The following SLC12A1 variants were observed in gnomAD, a reference collection of about 807,000 sequenced individuals.
SLC12A1 encodes Na-K-2Cl cotransporter.
SLC12A1 carries 89 observed loss-of-function variants against 130.4 expected under a neutral mutation model. The ratio of observed to expected loss-of-function variants is 0.68; its 90% CI spans 0.58 to 0.81. The LOEUF is 0.81. SLC12A1 is among the 40% of genes least tolerant of loss of function. The pLI is 0.00. For missense variants in SLC12A1, 1,310 were observed against 1,336.4 expected (o/e 0.98, Z 0.31); for synonymous variants, 499 against 460.0 (o/e 1.08, Z -1.09).
intron 17 of SLC12A1, among the ~76,000 whole-genome samples, chr15:48,265,535 C>G (rs966331282): frequency 2.8e-4 from 42 of 152,288 alleles, no homozygotes; most frequent in Admixed American, 1.9e-3. Context: ...ATTCAAAATG[C>G]ATTGACAATC....
intron 17 of SLC12A1, among the ~76,000 whole-genome samples, chr15:48,265,493 TGAA>T (rs1381956100): frequency 6.6e-6 from 1 of 152,166 alleles, no homozygotes; most frequent in Admixed American, 6.5e-5. Flanking sequence ...TTGCAGTTGA[TGAA>T]GTTTAGAATG....
rs375182317 is a variant in SLC12A1, at chr15:48,226,445, T to C, written c.629-31T>C. ...GGGAATCCAAGGAAGAAAAGTAAAA[T>C]GCAATATCTTCTATCTTTCATTGCT... On this transcript the variant is annotated intron_variant, in intron 4 of 26. Transcript: ENST00000380993. 8 of 1,331,024 alleles carry C rather than the reference T, an allele frequency of 6.0e-6. No individual in the cohort carries two copies. In the African/African-American group the frequency reaches 1.0e-4, roughly 17 times the overall value. The allele number at this position is 1,331,024 out of a possible 1,614,324, so 82.5% of individuals were successfully genotyped here. A position where few individuals can be genotyped will look rare whatever the true frequency, so the allele number is the denominator to read the frequency against.
chr15:48,261,316 T>C (rs1226431720), intron 17 of SLC12A1, among the ~76,000 whole-genome samples: 1 of 152,224 alleles, frequency 6.6e-6, no homozygotes, highest in Non-Finnish European at 1.5e-5. Flanking sequence ...AATTAACCAT[T>C]TGCTGCTTTA....
intron 17 of SLC12A1, among the ~76,000 whole-genome samples, chr15:48,264,672 T>C (rs1355427458): frequency 6.6e-6 from 1 of 152,090 alleles, no homozygotes. Flanking sequence ...AAATTTTCTT[T>C]CCCACAATTC....
intron 20 of SLC12A1, among the ~76,000 whole-genome samples, chr15:48,278,465 A>G (rs1248200663): frequency 6.6e-6 from 1 of 152,164 alleles, no homozygotes; most frequent in Admixed American, 6.5e-5. Context: ...TTTATCTTTG[A>G]AAAAGAGGAG....
chr15:48,229,273 T>C lies in SLC12A1; in HGVS notation c.809T>C (p.Val270Ala). 2 of 1,604,848 alleles carry C rather than the reference T, an allele frequency of 1.2e-6. No homozygotes were observed. Among genetic ancestry groups the C allele is most frequent in the Non-Finnish European group, 1.7e-6 (2 of 1,175,316 alleles). ...CTGATCTTTGCTTTTGCTAATGCAGTGGCTGTTGCTATGTATGTGGTGGGA... is the reference window on the plus strand; with the variant it reads ...CTGATCTTTGCTTTTGCTAATGCAGCGGCTGTTGCTATGTATGTGGTGGGA... ...IGLIFAFANA[V>A]AVAMYVVGFA... is the part of the protein sequence containing the mutation. Residue 270 changes from valine (V) to alanine (A), a missense_variant, in exon 6 of 27, where the codon GTG becomes GCG. By Grantham distance (64) the Val-to-Ala change is moderately conservative (BLOSUM62 0). Transcript: ENST00000380993.
chr15:48,285,316 G>C (rs996266564), intron 21 of SLC12A1, 67 bp downstream of exon 21: 7 of 1,496,846 alleles, frequency 4.7e-6, no homozygotes, highest in African/African-American at 4.2e-5. Flanking sequence ...TCTATGAAGA[G>C]TCCGAAGTCA....
chr15:48,281,674 A>G (rs1701872203), intron 20 of SLC12A1, among the ~76,000 whole-genome samples: 1 of 152,212 alleles, frequency 6.6e-6, no homozygotes, highest in Non-Finnish European at 1.5e-5. Flanking sequence ...GGGGAGAATA[A>G]TACCAGCTCT....
rs150872070 is a variant in SLC12A1, at chr15:48,298,843, C to A, written c.2961-297C>A. On this transcript the variant is annotated intron_variant, in intron 24 of 26. Coordinates refer to ENST00000380993, the MANE Select transcript of SLC12A1 (RefSeq NM_000338.3). ...AATGTCTTTGCAGAACAATTACTAC[C>A]TATGTGTATATGTGTTAATATTGTA... 2.6e-4 allele frequency among the ~76,000 whole-genome samples: 39 copies of A among 152,302 alleles called. No individual in the cohort carries two copies. In the East Asian group the frequency reaches 3.9e-3, roughly 15 times the overall value.
chr15:48,291,915 C>A, intron 24 of SLC12A1, 51 bp downstream of exon 24: 3 of 1,135,330 alleles, frequency 2.6e-6, no homozygotes, highest in South Asian at 1.4e-5. Context: ...CTCTCTCATT[C>A]TCTTTTGTGT....
chr15:48,289,930 A>T (rs2042102130), intron 23 of SLC12A1, among the ~76,000 whole-genome samples: 2 of 152,136 alleles, frequency 1.3e-5, no homozygotes, highest in South Asian at 4.1e-4. Context: ...ACTTTTCTTC[A>T]AAGCTGGACC....
intron 15 of SLC12A1, among the ~76,000 whole-genome samples, chr15:48,253,238 G>A (rs1022426676): frequency 6.6e-6 from 1 of 152,126 alleles, no homozygotes; most frequent in Non-Finnish European, 1.5e-5. Flanking sequence ...CCTTTTAAAT[G>A]TGCTGTCTAT....
intron 14 of SLC12A1, among the ~76,000 whole-genome samples, chr15:48,250,627 A>G (rs574633675): frequency 6.8e-6 from 1 of 147,800 alleles, no homozygotes; most frequent in East Asian, 2.0e-4. Flanking sequence ...AATATAGAAC[A>G]GCATATAGAG....
chr15:48,209,449 G>A (rs1331119058), intron 2 of SLC12A1, among the ~76,000 whole-genome samples: 1 of 152,072 alleles, frequency 6.6e-6, no homozygotes, highest in Non-Finnish European at 1.5e-5. Flanking sequence ...TGCTCTTCCA[G>A]ACCAGTTTGG....
At chr15:48,243,914 G>GTATA (rs2041547377) in intron 10 of SLC12A1, among the ~76,000 whole-genome samples, 1 of 152,068 alleles carries the variant, frequency 6.6e-6, no homozygotes, top group Admixed American at 6.6e-5. Context: ...TACTTCACAC[G>GTATA]TATATTCATA....
intron 8 of SLC12A1, among the ~76,000 whole-genome samples, chr15:48,233,091 T>C (rs1241152343): frequency 1.3e-5 from 2 of 152,180 alleles, no homozygotes; most frequent in Admixed American, 6.6e-5. Context: ...CCAGAAAATA[T>C]ATGAGTTTAA....
chr15:48,242,125 A>G (rs542289129), intron 10 of SLC12A1, among the ~76,000 whole-genome samples: 29 of 152,244 alleles, frequency 1.9e-4, no homozygotes, highest in Non-Finnish European at 4.0e-4. Context: ...CTGGCAGTGT[A>G]GGTGGCCAGC....
intron 9 of SLC12A1, among the ~76,000 whole-genome samples, chr15:48,239,204 T>C (rs2041472951): frequency 6.6e-6 from 1 of 152,136 alleles, no homozygotes; most frequent in Non-Finnish European, 1.5e-5. Flanking sequence ...GGCATCCAGA[T>C]TTCTATGTTA....
intron 20 of SLC12A1, among the ~76,000 whole-genome samples, chr15:48,281,109 G>A (rs1035202436): frequency 6.6e-6 from 1 of 152,140 alleles, no homozygotes; most frequent in Non-Finnish European, 1.5e-5. Context: ...GACAGACCTG[G>A]GTTTGGATCC....
Sources: allele counts gnomAD v4.1 joint callset (sites outside exome capture counted in the v4.1 genomes callset), GRCh38; gene constraint gnomAD v4.1.1; transcripts MANE v1.5; gene names NCBI Gene and HGNC (gene_info 2026-07-23, HGNC 2026-07-21).